The following NACC2 variants were observed in gnomAD, a reference collection of about 807,000 sequenced individuals.
NACC2 encodes the protein NACC family member 2, also known as nucleus accumbens-associated protein 2.
Under a neutral mutation model 25.1 loss-of-function variants are expected in NACC2, and 8 were observed. The ratio of observed to expected loss-of-function variants is 0.32; its 90% CI spans 0.19 to 0.57. The LOEUF (loss-of-function observed/expected upper bound fraction) is 0.57. Among genes scored for constraint, NACC2 ranks in the 20% least tolerant of loss-of-function variants. The probability of loss-of-function intolerance (pLI) is 0.89; values close to 1 mark genes in which losing one functional copy is unlikely to be tolerated. For missense variants in NACC2, 644 were observed against 650.2 expected (o/e 0.99, Z 0.10); for synonymous variants, 435 against 294.7 (o/e 1.48, Z -4.88).
At chr9:136,071,017 G>T (rs1841143845) in intron 1 of NACC2, among the ~76,000 whole-genome samples, 1 of 151,178 alleles carries the variant, frequency 6.6e-6, no homozygotes, top group African/African-American at 2.5e-5. Flanking sequence ...ATCTCTTGAG[G>T]TCAGGAGTTC....
intron 1 of NACC2, among the ~76,000 whole-genome samples, chr9:136,050,821 G>A (rs1266000276): frequency 2.0e-5 from 3 of 152,132 alleles, no homozygotes; most frequent in African/African-American, 7.2e-5. Flanking sequence ...GGTGCTGCCC[G>A]GCAGGAGTGC....
In NACC2 at chr9:136,013,836, G is replaced by T; in HGVS notation, c.1157+28C>A. On this transcript the variant is annotated intron_variant, in intron 4 of 5. Coordinates refer to ENST00000277554, the MANE Select transcript of NACC2 (RefSeq NM_144653.5). This position sits in a 1 kb window ranked among gnomAD's most constrained non-coding sequence, Gnocchi z 6.6. ...CCAGAACCCTCCGCAGCTCCATTGT[G>T]CCCTCCAGCACTCCTGCCCCGACCT... 1 of 1,589,248 alleles carries T rather than the reference G, an allele frequency of 6.3e-7. No individual in the cohort carries two copies.
At chr9:136,078,605 G>A (rs1830288820) in intron 1 of NACC2, among the ~76,000 whole-genome samples, 1 of 152,218 alleles carries the variant, frequency 6.6e-6, no homozygotes, top group South Asian at 2.1e-4. Flanking sequence ...GTACTCCTAG[G>A]CCATAAACCT....
At chr9:136,067,308 AGCAGTGG>A (rs1362456827) in intron 1 of NACC2, among the ~76,000 whole-genome samples, 2 of 140,606 alleles carry the variant, frequency 1.4e-5, no homozygotes, top group African/African-American at 5.3e-5. Flanking sequence ...TAGAGCCGGG[AGCAGTGG>A]GGGTGGGGGA....
At position 136,062,671 on chromosome 9, in the gene NACC2, T is replaced by C. The variant is rs140311661; in HGVS notation, c.-59-12091A>G. Among the ~76,000 whole-genome samples the C allele has an allele frequency of 2.6e-3, 397 of 152,260 alleles. 2 individuals are homozygous for C. The highest frequency in any genetic ancestry group is 9.3e-3 in the African/African-American group (388 of 41,552). The stretch of plus-strand genomic sequence containing the variant: ...GGCTCATGCCTGTAATCCCAACATT[T>C]TGGGAGGTCAGCGGGGGTGGACTGC... On this transcript the variant is annotated intron_variant, in intron 1 of 5. Transcript: ENST00000277554.
chr9:136,069,968 G>T (rs758836259), intron 1 of NACC2, among the ~76,000 whole-genome samples: 1 of 151,870 alleles, frequency 6.6e-6, no homozygotes, highest in Admixed American at 6.5e-5. Flanking sequence ...TGACATTACA[G>T]AACTCTCCAC....
chr9:136,034,102 G>C (rs1840517369), intron 2 of NACC2, among the ~76,000 whole-genome samples: 1 of 152,112 alleles, frequency 6.6e-6, no homozygotes, highest in African/African-American at 2.4e-5. Context: ...GAAAAACAGA[G>C]AGATCAAGGG....
chr9:136,088,788 AG>A (rs1166662124), intron 1 of NACC2, among the ~76,000 whole-genome samples: 1 of 152,036 alleles, frequency 6.6e-6, no homozygotes, highest in Admixed American at 6.5e-5. Context: ...CTGGGCGTGG[AG>A]GGCGGGATGG....
At chr9:136,094,767 T>A (rs1209180462) in intron 1 of NACC2, among the ~76,000 whole-genome samples, 3 of 151,684 alleles carry the variant, frequency 2.0e-5, no homozygotes, top group East Asian at 3.9e-4. Context: ...CCCGGGCCAG[T>A]CCTGCCCCGG....
intron 1 of NACC2, among the ~76,000 whole-genome samples, chr9:136,090,101 A>AT (rs533663494): frequency 4.1e-4 from 63 of 152,344 alleles, no homozygotes; most frequent in African/African-American, 1.5e-3. Flanking sequence ...GTTAAAGCTG[A>AT]TTTTTTAACA....
intron 2 of NACC2, among the ~76,000 whole-genome samples, chr9:136,035,649 A>C (rs1840539659): frequency 6.6e-6 from 1 of 152,118 alleles, no homozygotes; most frequent in Admixed American, 6.6e-5. Context: ...TGATGGATTG[A>C]GATAACACTT....
chr9:136,089,780 T>C (rs1830416862), intron 1 of NACC2, among the ~76,000 whole-genome samples: 1 of 151,900 alleles, frequency 6.6e-6, no homozygotes, highest in African/African-American at 2.4e-5. Context: ...GCTTTTTTTT[T>C]TTCTTTTTTA....
intron 1 of NACC2, among the ~76,000 whole-genome samples, chr9:136,083,148 G>A (rs1830341511): frequency 6.6e-6 from 1 of 152,218 alleles, no homozygotes; most frequent in Non-Finnish European, 1.5e-5. Flanking sequence ...CCACCCTGCT[G>A]GAGCGGAGGC....
chr9:136,024,170 G>A lies in NACC2; in HGVS notation c.887-7741C>T, dbSNP rs1464440397. Among the ~76,000 whole-genome samples, 32 of 149,902 alleles carry A rather than the reference G, an allele frequency of 2.1e-4. 2 individuals carry two copies. Among genetic ancestry groups the A allele is most frequent in the African/African-American group, 6.4e-4 (26 of 40,498 alleles). The stretch of plus-strand genomic sequence containing the variant: ...GTGGGGACAGAGTGTGTGTGTGTGT[G>A]TGTGTGTGAGGACGGAGTGTGTGTG... On this transcript the variant is annotated intron_variant, in intron 2 of 5. Transcript: ENST00000277554.
chr9:136,035,615 G>T (rs1393361873), intron 2 of NACC2, among the ~76,000 whole-genome samples: 1 of 152,044 alleles, frequency 6.6e-6, no homozygotes, highest in African/African-American at 2.4e-5. Context: ...CTGGAAAAAG[G>T]TACAGTCTGT....
chr9:136,051,790 C>G (rs1588572527), intron 1 of NACC2, among the ~76,000 whole-genome samples: 1 of 152,164 alleles, frequency 6.6e-6, no homozygotes, highest in Admixed American at 6.5e-5. Flanking sequence ...GACAGGCTCC[C>G]CGCACGCAGC....
chr9:136,075,979 G>A (rs1830259154), intron 1 of NACC2, among the ~76,000 whole-genome samples: 1 of 152,152 alleles, frequency 6.6e-6, no homozygotes, highest in African/African-American at 2.4e-5. Flanking sequence ...CTGCATCTGT[G>A]ACAAAACTCC....
intron 1 of NACC2, among the ~76,000 whole-genome samples, chr9:136,072,108 T>C (rs1171746144): frequency 2.6e-5 from 4 of 151,842 alleles, no homozygotes; most frequent in African/African-American, 9.7e-5. Flanking sequence ...CATGGTGATG[T>C]GCGCCTATAA....
chr9:136,011,986 C>A lies in NACC2; in HGVS notation c.1294G>T (p.Glu432Ter), dbSNP rs762113867. The part of the protein sequence containing the change: ...QNFAPSFKES[E>*]MNVIAADMCT... ...ATGTCCGCGGCGATCACGTTCATCT[C>A]GCTCTCCTTGAAGCTGGGGGCGAAG... Residue 432 changes from glutamate to a stop codon, truncating the protein, a stop_gained, in exon 6 of 6, where the codon GAG becomes TAG. Coordinates refer to ENST00000277554, the MANE Select transcript of NACC2 (RefSeq NM_144653.5). LOFTEE classifies it high-confidence loss of function. 1.2e-6 allele frequency: 2 copies of A among 1,602,732 alleles called. No homozygotes were observed. Among genetic ancestry groups the A allele is most frequent in the Admixed American group, 3.4e-5 (2 of 59,476 alleles).
Sources: allele counts gnomAD v4.1 joint callset (sites outside exome capture counted in the v4.1 genomes callset), GRCh38; gene constraint gnomAD v4.1.1; non-coding constraint Gnocchi (gnomAD v3.1); transcripts MANE v1.5; gene names NCBI Gene and HGNC (gene_info 2026-07-23, HGNC 2026-07-21).